Variants in PHLPP1 observed in about 807,000 individuals in gnomAD.
The protein encoded by PHLPP1 is PH domain and leucine rich repeat protein phosphatase 1.
Under a neutral mutation model 117.2 loss-of-function variants are expected in PHLPP1, and 42 were observed. The observed-to-expected ratio is 0.36, with a 90% CI of 0.28 to 0.46. The LOEUF (loss-of-function observed/expected upper bound fraction) is 0.46. Among genes scored for constraint, PHLPP1 ranks in the 20% least tolerant of loss-of-function variants. The probability of loss-of-function intolerance (pLI) is 1.00; values close to 1 mark genes in which losing one functional copy is unlikely to be tolerated. For missense variants in PHLPP1, 2,084 were observed against 2,241.9 expected (o/e 0.93, Z 1.42); for synonymous variants, 1,042 against 970.7 (o/e 1.07, Z -1.37).
intron 4 of PHLPP1, among the ~76,000 whole-genome samples, chr18:62,863,806 A>G (rs1401208369): frequency 6.6e-6 from 1 of 152,070 alleles, no homozygotes; most frequent in Non-Finnish European, 1.5e-5. Context: ...CTGTTTTATC[A>G]GCAAGATCTT....
intron 12 of PHLPP1, 90 bp downstream of exon 12, chr18:62,945,361 G>A (rs1269017553): frequency 9.0e-7 from 1 of 1,113,136 alleles, no homozygotes; most frequent in East Asian, 2.7e-5. Context: ...TTGCATCTTT[G>A]TTGGATTTAT....
chr18:62,848,532 A>G (rs900178282), intron 3 of PHLPP1, among the ~76,000 whole-genome samples: 3 of 142,376 alleles, frequency 2.1e-5, no homozygotes, highest in African/African-American at 5.3e-5. Flanking sequence ...GCATGATTAC[A>G]GTTCACTGCA....
chr18:62,978,641 T>A lies in PHLPP1; in HGVS notation c.4364T>A (p.Val1455Glu). 1 of 1,613,862 alleles carries A rather than the reference T, an allele frequency of 6.2e-7. No individual in the cohort carries two copies. Among genetic ancestry groups the A allele is most frequent in the East Asian group, 2.2e-5 (1 of 44,866 alleles). Residue 1455 changes from valine (V) to glutamate (E), a missense_variant, in exon 17 of 17, where the codon GTG (valine) becomes GAG (glutamate). Physicochemically the swap from Val to Glu is moderately radical, Grantham distance 121. Transcript: ENST00000262719. The surrounding 1 kb of genome is among the most constrained non-coding windows in gnomAD (Gnocchi z 7.0). The stretch of plus-strand genomic sequence containing the variant: ...ATCTTTCCTCCCTCAGTGAACATGG[T>A]GATCAAGGATCGGCCCTCAGATGGG... ...PGIFPPSVNM[V>E]IKDRPSDGLG...
chr18:62,897,106 T>A (rs919463424), intron 6 of PHLPP1, among the ~76,000 whole-genome samples: 1 of 152,176 alleles, frequency 6.6e-6, no homozygotes, highest in Non-Finnish European at 1.5e-5. Context: ...CCCTATTTTA[T>A]TCATCCACCA....
intron 9 of PHLPP1, among the ~76,000 whole-genome samples, chr18:62,917,595 T>C (rs1909329250): frequency 6.6e-6 from 1 of 151,798 alleles, no homozygotes. Context: ...GCAGGAAGAT[T>C]GCTTGAGCCC....
intron 4 of PHLPP1, among the ~76,000 whole-genome samples, chr18:62,893,447 A>T (rs953757949): frequency 9.2e-5 from 14 of 152,302 alleles, no homozygotes; most frequent in Non-Finnish European, 1.3e-4. Context: ...GATTTTTTTT[A>T]AATTTAAAAT....
intron 4 of PHLPP1, among the ~76,000 whole-genome samples, chr18:62,879,991 C>T (rs2144382907): frequency 6.6e-6 from 1 of 152,000 alleles, no homozygotes; most frequent in Admixed American, 6.6e-5. Context: ...CCCAATGCCG[C>T]CAGTAAGTTT....
chr18:62,772,635 G>T (rs1331047989), intron 1 of PHLPP1, among the ~76,000 whole-genome samples: 1 of 152,012 alleles, frequency 6.6e-6, no homozygotes, highest in Non-Finnish European at 1.5e-5. Context: ...TTCAAGGCCA[G>T]CCTGGCCAAC....
intron 6 of PHLPP1, among the ~76,000 whole-genome samples, chr18:62,900,433 CTTT>C (rs774225759): frequency 0.01 from 545 of 54,048 alleles, no homozygotes; most frequent in South Asian, 0.016. Context: ...CTTTTTCTTT[CTTT>C]TTTTTTTTTT....
chr18:62,926,019 G>C (rs1360081763), intron 10 of PHLPP1, among the ~76,000 whole-genome samples: 1 of 152,162 alleles, frequency 6.6e-6, no homozygotes, highest in Non-Finnish European at 1.5e-5. Context: ...AATGTGTCTA[G>C]AGATATTTCT....
intron 1 of PHLPP1, among the ~76,000 whole-genome samples, chr18:62,772,460 C>A (rs1912814427): frequency 6.6e-6 from 1 of 152,098 alleles, no homozygotes; most frequent in South Asian, 2.1e-4. Context: ...GATCCCATAA[C>A]ATATCTTGGG....
chr18:62,883,329 G>A (rs376745420), intron 4 of PHLPP1, among the ~76,000 whole-genome samples: 10 of 152,154 alleles, frequency 6.6e-5, no homozygotes, highest in African/African-American at 2.2e-4. Flanking sequence ...GACAGTACAC[G>A]GCAGGTGGTA....
chr18:62,903,356 C>G (rs1393897842), intron 7 of PHLPP1, among the ~76,000 whole-genome samples, 190 bp downstream of exon 7: 1 of 152,088 alleles, frequency 6.6e-6, no homozygotes, highest in East Asian at 1.9e-4. Context: ...ATTTTATTGT[C>G]CCTAATTTTT....
chr18:62,716,534 C>T lies in PHLPP1; in HGVS notation c.851C>T (p.Ala284Val). 1 of 1,181,554 alleles carries T rather than the reference C, an allele frequency of 8.5e-7. No individual in the cohort carries two copies. Among genetic ancestry groups the T allele is most frequent in the Non-Finnish European group, 1.0e-6 (1 of 956,432 alleles). 73.2% of individuals were successfully genotyped at this position (1,181,554 alleles called of 1,614,324 possible). ...CCGCGGGACTCGGAGGTACCGCCCG[C>T]GAGGAGCGCGCCGGGTGCCTTCGGG... ...PEPRDSEVPP[A>V]RSAPGAFGGP... The change falls in exon 1 of 17, where the codon GCG (alanine) becomes GTG (valine). Residue 284 changes from alanine to valine, a missense_variant. Ala to Val is a moderately conservative substitution (Grantham distance 64). Coordinates refer to ENST00000262719, the MANE Select transcript of PHLPP1 (RefSeq NM_194449.4). This position sits in a 1 kb window ranked among gnomAD's most constrained non-coding sequence, Gnocchi z 5.7.
intron 1 of PHLPP1, among the ~76,000 whole-genome samples, chr18:62,748,655 T>C (rs1012171577): frequency 1.3e-4 from 20 of 152,240 alleles, no homozygotes; most frequent in African/African-American, 4.6e-4. Flanking sequence ...TTGCTTGATA[T>C]TAATATGATG....
chr18:62,849,114 C>T (rs758805576), intron 3 of PHLPP1, among the ~76,000 whole-genome samples: 5 of 152,160 alleles, frequency 3.3e-5, no homozygotes, highest in Admixed American at 6.5e-5. Context: ...AGTCACTCTA[C>T]ATTGCTCATT....
At chr18:62,918,298 C>T (rs1022085953) in intron 9 of PHLPP1, among the ~76,000 whole-genome samples, 4 of 150,586 alleles carry the variant, frequency 2.7e-5, no homozygotes, top group African/African-American at 7.3e-5. Flanking sequence ...AATGTTTAGA[C>T]AGTACCCAAA....
intron 10 of PHLPP1, among the ~76,000 whole-genome samples, chr18:62,930,674 G>C (rs555241080): frequency 6.6e-6 from 1 of 152,252 alleles, no homozygotes; most frequent in East Asian, 1.9e-4. Flanking sequence ...ACTTAAATTT[G>C]ACATTTGACC....
chr18:62,805,429 G>A (rs1336066714), intron 1 of PHLPP1, among the ~76,000 whole-genome samples: 4 of 151,876 alleles, frequency 2.6e-5, no homozygotes, highest in East Asian at 3.9e-4. Context: ...AATCATAGAG[G>A]TCACTGCAAC....
Sources: gnomAD v4.1 joint callset for allele counts (sites outside exome capture counted in the v4.1 genomes callset) on GRCh38, gnomAD v4.1.1 for gene constraint, Gnocchi (gnomAD v3.1) non-coding constraint, MANE v1.5 for transcripts, NCBI Gene and HGNC (gene_info 2026-07-23, HGNC 2026-07-21) for gene names.